PLXNA2: variants seen among roughly 807,000 people sequenced by gnomAD.
PLXNA2 encodes the protein plexin-A2.
Under a neutral mutation model 193.5 loss-of-function variants are expected in PLXNA2, and 91 were observed. The observed-to-expected ratio is 0.47, with a 90% CI of 0.40 to 0.56. The LOEUF is 0.56. Among genes scored for constraint, PLXNA2 ranks in the 20% least tolerant of loss-of-function variants. The pLI, the probability that PLXNA2 is intolerant of heterozygous loss-of-function variation, is 0.00. For missense variants in PLXNA2, 1,995 were observed against 2,503.2 expected (o/e 0.80, Z 4.33); for synonymous variants, 997 against 1,027.3 (o/e 0.97, Z 0.56).
intron 3 of PLXNA2, among the ~76,000 whole-genome samples, chr1:208,175,729 T>C (rs1374184638): frequency 6.6e-6 from 1 of 152,166 alleles, no homozygotes; most frequent in African/African-American, 2.4e-5. Flanking sequence ...GGAAAGGTCA[T>C]CCATAGCCCC....
At chr1:208,238,694 T>C (rs1165324074) in intron 1 of PLXNA2, among the ~76,000 whole-genome samples, 2 of 152,220 alleles carry the variant, frequency 1.3e-5, no homozygotes, top group Non-Finnish European at 2.9e-5. Context: ...AAATCAGCGA[T>C]ACAATGTTGA....
chr1:208,131,601 T>C (rs1036907414), intron 4 of PLXNA2, among the ~76,000 whole-genome samples: 2 of 152,132 alleles, frequency 1.3e-5, no homozygotes, highest in African/African-American at 4.8e-5. Context: ...CAGGAGGCTT[T>C]CTTGAGTCTG....
chr1:208,210,364 C>T lies in PLXNA2; in HGVS notation c.1287G>A (p.Arg429=), dbSNP rs1248829256. The change falls in exon 3 of 32, where the codon AGG becomes AGA. Residue 429 remains arginine, a synonymous_variant. Coordinates refer to ENST00000367033, the MANE Select transcript of PLXNA2 (RefSeq NM_025179.4). ...AGGAGGCCACAGAGGTCATGCGGTC[C>T]CTGCTGGTGGTGTACAGGGTCAGGC... The part of the protein sequence containing the change: ...VEGLTLYTTS[R]DRMTSVASYV... 4 of 1,613,892 alleles carry T rather than the reference C, an allele frequency of 2.5e-6. No homozygotes were observed. In the African/African-American group the frequency reaches 4.0e-5, roughly 16 times the overall value.
chr1:208,039,688 G>C lies in PLXNA2; in HGVS notation c.4433C>G (p.Thr1478Arg). The C allele has an allele frequency of 1.2e-6, 2 of 1,614,226 alleles. No individual in the cohort carries two copies. Among genetic ancestry groups the C allele is most frequent in the Non-Finnish European group, 8.5e-7 (1 of 1,180,052 alleles). ...QMEKGPIDAI[T>R]GEARYSLSED... is the part of the protein sequence containing the mutation. ...GCTCAGGGAGTAGCGGGCCTCGCCC[G>C]TGATGGCATCAATGGGGCCCTTCTC... Residue 1478 changes from threonine to arginine, a missense_variant, in exon 24 of 32, where the codon ACG becomes AGG. Physicochemically the swap from Thr to Arg is moderately conservative, Grantham distance 71. Transcript: ENST00000367033.
intron 2 of PLXNA2, among the ~76,000 whole-genome samples, chr1:208,216,330 C>A (rs951680151): frequency 6.6e-6 from 1 of 152,190 alleles, no homozygotes; most frequent in Admixed American, 6.5e-5. Flanking sequence ...GCCTCTCCCC[C>A]TTTCCTGTTT....
In PLXNA2 at chr1:208,028,963, C is replaced by T. The variant is rs747471594; in HGVS notation, c.5305G>A (p.Ala1769Thr). 6 of 1,613,854 alleles carry T rather than the reference C, an allele frequency of 3.7e-6. No homozygotes were observed. The highest frequency in any genetic ancestry group is 2.7e-5 in the African/African-American group (2 of 74,956). The change falls in exon 30 of 32, where the codon GCC (alanine) becomes ACC (threonine). Residue 1769 changes from alanine to threonine, a missense_variant. Around this residue, in one of 3 missense-constraint regions of PLXNA2, gnomAD observed 1,291 missense variants for 1,673.6 expected, o/e 0.77. Coordinates refer to ENST00000367033, the MANE Select transcript of PLXNA2 (RefSeq NM_025179.4). This position sits in a 1 kb window ranked among gnomAD's most constrained non-coding sequence, Gnocchi z 4.2. ...GTCTGGGCCACCACAGAGAGGCAGG[C>T]GTCCGTGATGCTGCCCTTGTGGATG... is the stretch of plus-strand genomic sequence containing the variant. ...FDIHKGSITDACLSVVAQTFM... is the reference protein window; with the variant it reads ...FDIHKGSITDTCLSVVAQTFM...
intron 11 of PLXNA2, among the ~76,000 whole-genome samples, chr1:208,081,761 T>A (rs543141688): frequency 6.6e-6 from 1 of 152,298 alleles, no homozygotes; most frequent in East Asian, 1.9e-4. Flanking sequence ...CGAGTCCTCA[T>A]CATATTGGAG....
intron 3 of PLXNA2, among the ~76,000 whole-genome samples, chr1:208,186,249 T>C (rs1287580746): frequency 1.3e-5 from 2 of 152,166 alleles, no homozygotes; most frequent in Admixed American, 6.5e-5. Flanking sequence ...CTTTGAGGTA[T>C]TCAGATCCTA....
intron 1 of PLXNA2, among the ~76,000 whole-genome samples, chr1:208,228,882 C>T (rs539557327): frequency 6.6e-6 from 1 of 152,302 alleles, no homozygotes; most frequent in East Asian, 1.9e-4. Context: ...AATCTCCTTT[C>T]TCTCCTCCAA....
chr1:208,049,243 T>C (rs1394980452), intron 17 of PLXNA2, among the ~76,000 whole-genome samples: 1 of 152,130 alleles, frequency 6.6e-6, no homozygotes, highest in African/African-American at 2.4e-5. Flanking sequence ...AGTTATACTC[T>C]GGCCTTGCCA....
chr1:208,080,975 C>T lies in PLXNA2; in HGVS notation c.2395+1437G>A, dbSNP rs1007303679. ...CTCTCCACCCAGCCCAATGCGCAGCCGGCAGAGACACTCAGGCTAGTGGGT... is the reference window on the plus strand; with the variant it reads ...CTCTCCACCCAGCCCAATGCGCAGCTGGCAGAGACACTCAGGCTAGTGGGT... On this transcript the variant is annotated intron_variant, in intron 11 of 31. Coordinates refer to ENST00000367033, the MANE Select transcript of PLXNA2 (RefSeq NM_025179.4). 2.0e-5 allele frequency among the ~76,000 whole-genome samples: 3 copies of T among 152,192 alleles called. No homozygotes were observed. In the East Asian group the frequency reaches 5.8e-4, roughly 29 times the overall value.
At chr1:208,154,042 T>C (rs2651874) in intron 3 of PLXNA2, among the ~76,000 whole-genome samples, 47,353 of 149,724 alleles carry the variant, frequency 0.32, 7,998 homozygotes, top group Middle Eastern at 0.39. Flanking sequence ...GGTGGGGTGG[T>C]GAGTAAGGAT....
chr1:208,185,360 C>T (rs937538661), intron 3 of PLXNA2, among the ~76,000 whole-genome samples: 2 of 152,184 alleles, frequency 1.3e-5, no homozygotes, highest in South Asian at 2.1e-4. Flanking sequence ...GGCCTCTCCT[C>T]GCTGCAGAGC....
chr1:208,210,488 G>A, intron 2 of PLXNA2, 26 bp from the exon 3 acceptor site: 2 of 1,585,922 alleles, frequency 1.3e-6, no homozygotes, highest in Non-Finnish European at 1.7e-6. Context: ...AGGAATTGGG[G>A]TGAGTAACAG....
At chr1:208,157,019 C>T (rs929724760) in intron 3 of PLXNA2, among the ~76,000 whole-genome samples, 6 of 152,194 alleles carry the variant, frequency 3.9e-5, no homozygotes. Context: ...CAAGAAATTG[C>T]CATATAAAAG....
intron 4 of PLXNA2, among the ~76,000 whole-genome samples, chr1:208,109,885 A>G (rs1297989647): frequency 6.6e-6 from 1 of 152,202 alleles, no homozygotes; most frequent in Non-Finnish European, 1.5e-5. Context: ...TCTGCACCCT[A>G]CAGCTCCTAG....
chr1:208,083,668 C>G (rs552700465), intron 10 of PLXNA2, among the ~76,000 whole-genome samples: 1 of 152,144 alleles, frequency 6.6e-6, no homozygotes, highest in African/African-American at 2.4e-5. Context: ...TCATCTCCAG[C>G]TGACCCCCCA....
At chr1:208,064,497 C>T (rs972857415) in intron 12 of PLXNA2, among the ~76,000 whole-genome samples, 4 of 152,218 alleles carry the variant, frequency 2.6e-5, no homozygotes, top group East Asian at 1.9e-4. Flanking sequence ...TTCCTTTCTA[C>T]ATCACGCTGT....
intron 4 of PLXNA2, among the ~76,000 whole-genome samples, chr1:208,113,509 GT>G (rs1192910823): frequency 6.7e-6 from 1 of 148,502 alleles, no homozygotes; most frequent in African/African-American, 2.5e-5. Flanking sequence ...TGAAAGAAGG[GT>G]TTGGAATTCC....
Sources: allele counts gnomAD v4.1 joint callset (sites outside exome capture counted in the v4.1 genomes callset), GRCh38; gene constraint gnomAD v4.1.1; regional missense constraint gnomAD v4.1.1; non-coding constraint Gnocchi (gnomAD v3.1); transcripts MANE v1.5; gene names NCBI Gene and HGNC (gene_info 2026-07-23, HGNC 2026-07-21).